The following IMMP2L variants were observed in gnomAD, a reference collection of about 807,000 sequenced individuals.
The protein encoded by IMMP2L is inner mitochondrial membrane peptidase subunit 2, also known as mitochondrial inner membrane protease subunit 2.
Under a neutral mutation model 19.3 loss-of-function variants are expected in IMMP2L, and 18 were observed. The observed-to-expected ratio is 0.93, with a 90% CI of 0.64 to 1.38. The LOEUF is 1.38. Among genes scored for constraint, IMMP2L ranks in the 40% most tolerant of loss-of-function variants. IMMP2L has a pLI of 0.00. For synonymous variants in IMMP2L, 76 were observed against 73.0 expected (o/e 1.04, Z -0.21); for missense variants, 233 against 218.2 (o/e 1.07, Z -0.43).
intron 4 of IMMP2L, among the ~76,000 whole-genome samples, chr7:110,938,652 A>C (rs1424897778): frequency 6.6e-6 from 1 of 152,180 alleles, no homozygotes; most frequent in Admixed American, 6.6e-5. Context: ...TATTTGGGCG[A>C]TGGGTACAGT....
chr7:110,899,039 G>A (rs1048339787), intron 4 of IMMP2L, among the ~76,000 whole-genome samples: 2 of 151,770 alleles, frequency 1.3e-5, no homozygotes, highest in African/African-American at 4.8e-5. Flanking sequence ...TATAGAGCTT[G>A]TAATTTTATT....
intron 3 of IMMP2L, among the ~76,000 whole-genome samples, chr7:111,080,684 C>T (rs1014638571): frequency 1.3e-5 from 2 of 152,102 alleles, no homozygotes; most frequent in African/African-American, 4.8e-5. Flanking sequence ...GGCTAAGGAT[C>T]ATCTTATAAA....
chr7:111,189,291 G>T (rs976372029), intron 3 of IMMP2L, among the ~76,000 whole-genome samples: 1 of 151,716 alleles, frequency 6.6e-6, no homozygotes, highest in Non-Finnish European at 1.5e-5. Context: ...TGCCTTTGTG[G>T]TGTCAGAAGC....
chr7:111,197,192 G>A (rs1809594654), intron 3 of IMMP2L, among the ~76,000 whole-genome samples: 1 of 152,142 alleles, frequency 6.6e-6, no homozygotes, highest in East Asian at 1.9e-4. Flanking sequence ...GCTGGGCTCG[G>A]TGGCTCACGC....
chr7:110,824,893 T>C (rs927729674), intron 5 of IMMP2L, among the ~76,000 whole-genome samples: 22 of 152,116 alleles, frequency 1.4e-4, no homozygotes, highest in Non-Finnish European at 2.9e-5. Flanking sequence ...AAAGAGGAAG[T>C]CAAATTGTCC....
chr7:110,687,608 C>A (rs1217997230), intron 5 of IMMP2L, among the ~76,000 whole-genome samples: 4 of 151,976 alleles, frequency 2.6e-5, no homozygotes, highest in African/African-American at 9.7e-5. Context: ...TATTTTATAA[C>A]AAATTAGTTT....
chr7:110,937,354 C>T (rs1387164646), intron 4 of IMMP2L, among the ~76,000 whole-genome samples: 4 of 152,046 alleles, frequency 2.6e-5, no homozygotes, highest in Non-Finnish European at 5.9e-5. Context: ...GAGGAGTGGG[C>T]GTGGGCCACT....
chr7:110,863,977 T>C lies in IMMP2L; in HGVS notation c.408+22616A>G, dbSNP rs114540151. ...CCAAATAGGAAGAAGTAAGGATGCA[T>C]AACATACTTACAAAGCAAAGGAGTG... On this transcript the variant is annotated intron_variant, in intron 5 of 5. Coordinates refer to ENST00000405709, the MANE Select transcript of IMMP2L (RefSeq NM_032549.4). 3.7e-3 allele frequency among the ~76,000 whole-genome samples: 565 copies of C among 152,162 alleles called. 2 individuals are homozygous for C. Among genetic ancestry groups the C allele is most frequent in the African/African-American group, 0.012 (515 of 41,546 alleles).
intron 3 of IMMP2L, among the ~76,000 whole-genome samples, chr7:111,311,838 T>C (rs577182420): frequency 1.1e-3 from 166 of 152,276 alleles, no homozygotes; most frequent in Non-Finnish European, 1.7e-3. Context: ...CCACCCATTA[T>C]CGCAATTGTA....
intron 3 of IMMP2L, among the ~76,000 whole-genome samples, chr7:111,437,766 G>A (rs953024570): frequency 9.2e-5 from 14 of 151,764 alleles, no homozygotes; most frequent in Non-Finnish European, 1.5e-4. Context: ...AACTCCTTAA[G>A]AAATTTTTTT....
intron 3 of IMMP2L, among the ~76,000 whole-genome samples, chr7:111,378,724 C>T (rs750766470): frequency 6.6e-6 from 1 of 151,844 alleles, no homozygotes; most frequent in Non-Finnish European, 1.5e-5. Context: ...AAGCTGTTAG[C>T]AACAAATCCA....
chr7:111,527,372 G>C (rs551355973), intron 1 of IMMP2L, among the ~76,000 whole-genome samples: 1 of 141,766 alleles, frequency 7.1e-6, no homozygotes, highest in South Asian at 2.4e-4. Flanking sequence ...AGCTATGACT[G>C]TGCCACCACA....
chr7:111,293,053 A>C (rs1213150901), intron 3 of IMMP2L, among the ~76,000 whole-genome samples: 1 of 151,990 alleles, frequency 6.6e-6, no homozygotes, highest in Non-Finnish European at 1.5e-5. Context: ...TCAGAGCAGC[A>C]GCAAGGACAT....
intron 3 of IMMP2L, among the ~76,000 whole-genome samples, chr7:111,243,519 T>TA (rs1468771245): frequency 1.3e-5 from 2 of 150,806 alleles, no homozygotes; most frequent in African/African-American, 4.9e-5. Context: ...GCTTTATTTT[T>TA]TTTTTTTTTA....
intron 4 of IMMP2L, among the ~76,000 whole-genome samples, chr7:110,921,659 T>G (rs889237175): frequency 6.6e-6 from 1 of 152,182 alleles, no homozygotes; most frequent in Non-Finnish European, 1.5e-5. Context: ...CTATTCAGAC[T>G]GGAAGCATTG....
chr7:110,680,939 G>C (rs945522679), intron 5 of IMMP2L, among the ~76,000 whole-genome samples: 5 of 152,034 alleles, frequency 3.3e-5, no homozygotes, highest in African/African-American at 1.2e-4. Context: ...AGTGGCATAG[G>C]GGTGTGCTGT....
chr7:110,981,310 C>T (rs1420440354), intron 3 of IMMP2L, among the ~76,000 whole-genome samples: 1 of 151,878 alleles, frequency 6.6e-6, no homozygotes, highest in Non-Finnish European at 1.5e-5. Flanking sequence ...AATAGTCACA[C>T]TGTTAATATT....
chr7:111,164,399 G>A (rs1193186033), intron 3 of IMMP2L, among the ~76,000 whole-genome samples: 2 of 152,016 alleles, frequency 1.3e-5, no homozygotes, highest in Non-Finnish European at 2.9e-5. Context: ...CCATTCACAG[G>A]ACATGTTGTG....
At chr7:111,276,641 GA>G (rs1212928126) in intron 3 of IMMP2L, among the ~76,000 whole-genome samples, 130 of 132,074 alleles carry the variant, frequency 9.8e-4, no homozygotes, top group Non-Finnish European at 1.4e-3. Context: ...ATGTGGAACC[GA>G]AAAAAAAAAA....
Sources: allele counts gnomAD v4.1 joint callset (sites outside exome capture counted in the v4.1 genomes callset), GRCh38; gene constraint gnomAD v4.1.1; transcripts MANE v1.5; gene names NCBI Gene and HGNC (gene_info 2026-07-23, HGNC 2026-07-21).